Variants in SERPINB7 observed in about 807,000 individuals in gnomAD.
SERPINB7 encodes the protein serpin family B member 7.
Under a neutral mutation model 37.4 loss-of-function variants are expected in SERPINB7, and 31 were observed. The observed-to-expected ratio is 0.83, with a 90% CI of 0.62 to 1.12. SERPINB7 has a LOEUF of 1.12. SERPINB7 is among the 50% of genes most tolerant of loss of function. The probability of loss-of-function intolerance (pLI) is 0.00; values close to 1 mark genes in which losing one functional copy is unlikely to be tolerated. For missense variants in SERPINB7, 521 were observed against 455.3 expected (o/e 1.14, Z -1.31); for synonymous variants, 163 against 166.1 (o/e 0.98, Z 0.14).
intron 2 of SERPINB7, among the ~76,000 whole-genome samples, chr18:63,784,703 T>A (rs2049347110): frequency 1.3e-5 from 2 of 152,276 alleles, no homozygotes; most frequent in South Asian, 4.2e-4. Context: ...TGGGCACTAG[T>A]GTCCTCACCT....
In SERPINB7 at chr18:63,786,229, T is replaced by C. The variant is rs918023458; in HGVS notation, c.168+3689T>C. The stretch of plus-strand genomic sequence containing the variant: ...ATACGTGTATATATATATATATATA[T>C]ATATACACACACACACATCCACACA... On this transcript the variant is annotated intron_variant, in intron 2 of 7. Transcript: ENST00000398019. 2.2e-4 allele frequency among the ~76,000 whole-genome samples: 26 copies of C among 116,944 alleles called. 2 individuals are homozygous for C. Among genetic ancestry groups the C allele is most frequent in the Admixed American group, 5.8e-4 (6 of 10,334 alleles). The allele number at this position is 116,944 out of a possible 152,430, so 76.7% of individuals were successfully genotyped here.
intron 6 of SERPINB7, among the ~76,000 whole-genome samples, chr18:63,799,980 G>C (rs1238507029): frequency 6.6e-6 from 1 of 151,890 alleles, no homozygotes; most frequent in African/African-American, 2.4e-5. Flanking sequence ...CTTATTTTTT[G>C]CCCTAGTGAA....
At chr18:63,795,607 G>C (rs1876188) in intron 4 of SERPINB7, among the ~76,000 whole-genome samples, 1 of 150,622 alleles carries the variant, frequency 6.6e-6, no homozygotes, top group Admixed American at 6.6e-5. Flanking sequence ...AGAAAAGAAA[G>C]TGTGGGTGGA....
At chr18:63,789,017 AG>A (rs1416890315) in intron 2 of SERPINB7, among the ~76,000 whole-genome samples, 3 of 152,234 alleles carry the variant, frequency 2.0e-5, no homozygotes, top group African/African-American at 4.8e-5. Context: ...AATAAGTAGA[AG>A]GTTTAAAACT....
At chr18:63,782,922 AG>A (rs1241459535) in intron 2 of SERPINB7, among the ~76,000 whole-genome samples, 2 of 151,812 alleles carry the variant, frequency 1.3e-5, no homozygotes, top group Non-Finnish European at 2.9e-5. Flanking sequence ...GCGGATCACG[AG>A]GTCAGGAGAT....
chr18:63,799,046 T>C (rs1450942683), intron 6 of SERPINB7, among the ~76,000 whole-genome samples: 1 of 152,188 alleles, frequency 6.6e-6, no homozygotes, highest in Non-Finnish European at 1.5e-5. Flanking sequence ...TATAAGAAAA[T>C]ATATGACAAA....
intron 4 of SERPINB7, among the ~76,000 whole-genome samples, chr18:63,794,595 C>G (rs1433318760): frequency 6.6e-6 from 1 of 152,112 alleles, no homozygotes; most frequent in Non-Finnish European, 1.5e-5. Flanking sequence ...GAGGCTGAGG[C>G]AGGAGAATGG....
At chr18:63,783,186 AAGAGAGAGAGAGAGAGAGAGAG>A (rs1200340375) in intron 2 of SERPINB7, among the ~76,000 whole-genome samples, 1,272 of 75,208 alleles carry the variant, frequency 0.017, 34 homozygotes, top group South Asian at 0.031. Flanking sequence ...GAAAGAAAGA[AAGAGAGAGAGAGAGAGAGAGAG>A]AGAGAGAGAG....
intron 4 of SERPINB7, among the ~76,000 whole-genome samples, chr18:63,795,839 T>A (rs908703150): frequency 5.3e-5 from 8 of 152,128 alleles, no homozygotes; most frequent in Non-Finnish European, 1.5e-5. Flanking sequence ...AGGGTGGGGA[T>A]CAGCAGAGTC....
At chr18:63,800,020 G>C (rs1383837524) in intron 6 of SERPINB7, among the ~76,000 whole-genome samples, 1 of 151,770 alleles carries the variant, frequency 6.6e-6, no homozygotes, top group Non-Finnish European at 1.5e-5. Context: ...TACCTTGCAG[G>C]AATCTCTATT....
chr18:63,796,357 A>G lies in SERPINB7; in HGVS notation c.428A>G (p.Asn143Ser). The change falls in exon 5 of 8, where the codon AAT becomes AGT. Residue 143 changes from asparagine (N) to serine (S), a missense_variant. Asn to Ser is a conservative substitution (Grantham distance 46, BLOSUM62 1). Coordinates refer to ENST00000398019, the MANE Select transcript of SERPINB7 (RefSeq NM_003784.4). ...NHLEDTRRNI[N>S]KWVENETHGK... is the part of the protein sequence containing the mutation. ...TTAGAAGACACTAGACGTAATATTAATAAGTGGGTTGAAAATGAAACACAT... is the reference window on the plus strand; with the variant it reads ...TTAGAAGACACTAGACGTAATATTAGTAAGTGGGTTGAAAATGAAACACAT... 3 of 1,601,774 alleles carry G rather than the reference A, an allele frequency of 1.9e-6. No homozygotes were observed. In the African/African-American group the frequency reaches 4.0e-5, roughly 21 times the overall value.
chr18:63,787,648 G>A (rs1453240151), intron 2 of SERPINB7, among the ~76,000 whole-genome samples: 2 of 151,874 alleles, frequency 1.3e-5, no homozygotes, highest in Non-Finnish European at 2.9e-5. Context: ...GGTAGCTTTA[G>A]GACTATTAAA....
chr18:63,791,900 G>A (rs558342961), intron 2 of SERPINB7, among the ~76,000 whole-genome samples: 142 of 152,228 alleles, frequency 9.3e-4, no homozygotes, highest in Admixed American at 1.0e-3. Flanking sequence ...CTGAGCCACC[G>A]CACCCGGCCA....
intron 5 of SERPINB7, 80 bp from the exon 6 acceptor site, chr18:63,798,524 A>ACC: frequency 8.7e-7 from 1 of 1,150,034 alleles, no homozygotes; most frequent in Non-Finnish European, 1.2e-6. Flanking sequence ...AAAAAACTTC[A>ACC]TACCAATTAA....
chr18:63,788,092 C>T (rs566525135), intron 2 of SERPINB7, among the ~76,000 whole-genome samples: 2 of 152,284 alleles, frequency 1.3e-5, no homozygotes, highest in African/African-American at 4.8e-5. Context: ...CAACAGTATA[C>T]TTTTAGTAGT....
intron 5 of SERPINB7, 28 bp downstream of exon 5, chr18:63,796,411 A>G (rs1199346819): frequency 3.8e-5 from 49 of 1,291,294 alleles, no homozygotes; most frequent in Non-Finnish European, 5.5e-5. Context: ...CTATTTTTCT[A>G]CAAGATTTGT....
chr18:63,802,757 G>T (rs377231982), intron 7 of SERPINB7, among the ~76,000 whole-genome samples: 1 of 152,114 alleles, frequency 6.6e-6, no homozygotes, highest in African/African-American at 2.4e-5. Flanking sequence ...CCATCCAAGG[G>T]GCATTAGTAT....
chr18:63,788,749 A>G (rs1599011357), intron 2 of SERPINB7, among the ~76,000 whole-genome samples: 1 of 152,202 alleles, frequency 6.6e-6, no homozygotes, highest in Non-Finnish European at 1.5e-5. Flanking sequence ...GTTTTTTACT[A>G]TACCTTTTCT....
upstream of SERPINB7, among the ~76,000 whole-genome samples, chr18:63,771,146 T>G (rs183096146): frequency 6.6e-6 from 1 of 152,144 alleles, no homozygotes; most frequent in Admixed American, 6.5e-5. Flanking sequence ...GAGGCATAAT[T>G]GTTGTGAGGA....
Sources: allele counts gnomAD v4.1 joint callset (sites outside exome capture counted in the v4.1 genomes callset), GRCh38; gene constraint gnomAD v4.1.1; transcripts MANE v1.5; gene names NCBI Gene and HGNC (gene_info 2026-07-23, HGNC 2026-07-21).